Variants in DOK6 observed in about 807,000 individuals in gnomAD.
DOK6 encodes docking protein 6, also known as downstream of tyrosine kinase 6.
A neutral mutation model predicts 44.0 loss-of-function variants in DOK6; 22 were observed. The ratio of observed to expected loss-of-function variants is 0.50; its 90% CI spans 0.36 to 0.71. The LOEUF is 0.71. Among genes scored for constraint, DOK6 ranks in the 30% least tolerant of loss-of-function variants. DOK6 has a pLI of 0.00. For synonymous variants in DOK6, 166 were observed against 145.5 expected (o/e 1.14, Z -1.01); for missense variants, 340 against 416.4 (o/e 0.82, Z 1.60).
chr18:69,582,080 T>C (rs1599204467), intron 2 of DOK6, among the ~76,000 whole-genome samples: 1 of 152,206 alleles, frequency 6.6e-6, no homozygotes, highest in East Asian at 1.9e-4. Flanking sequence ...AAACTTTTTT[T>C]AATGTAAAGG....
chr18:69,710,623 C>T (rs1162848365), intron 5 of DOK6, among the ~76,000 whole-genome samples: 1 of 152,132 alleles, frequency 6.6e-6, no homozygotes, highest in Non-Finnish European at 1.5e-5. Flanking sequence ...TTACAAAAAG[C>T]AAAATTAGTG....
chr18:69,574,758 G>T (rs1197879059), intron 2 of DOK6, among the ~76,000 whole-genome samples: 2 of 152,012 alleles, frequency 1.3e-5, no homozygotes, highest in Admixed American at 6.6e-5. Context: ...TTGTGAAAGG[G>T]TTAAAATGTT....
intron 1 of DOK6, among the ~76,000 whole-genome samples, chr18:69,480,830 G>A (rs986259214): frequency 3.9e-5 from 6 of 152,214 alleles, no homozygotes; most frequent in Middle Eastern, 3.4e-3. Flanking sequence ...GTTAGGACAG[G>A]TTTTACTTTT....
intron 3 of DOK6, among the ~76,000 whole-genome samples, chr18:69,623,711 A>T (rs992607387): frequency 1.3e-5 from 2 of 152,204 alleles, no homozygotes; most frequent in Non-Finnish European, 2.9e-5. Flanking sequence ...AGTGTCCTAC[A>T]CTTTGAACTC....
At chr18:69,509,281 A>G (rs1181117260) in intron 1 of DOK6, among the ~76,000 whole-genome samples, 1 of 152,210 alleles carries the variant, frequency 6.6e-6, no homozygotes. Flanking sequence ...TTTATATATG[A>G]AATTCAACCA....
intron 1 of DOK6, among the ~76,000 whole-genome samples, chr18:69,490,668 T>G (rs1328406912): frequency 4.6e-5 from 7 of 152,208 alleles, no homozygotes; most frequent in Admixed American, 1.3e-4. Flanking sequence ...CCCAAGTATT[T>G]GAATTACCTC....
chr18:69,848,711 C>T lies in DOK6; in HGVS notation c.*7328C>T, dbSNP rs936101898. The T allele has an allele frequency of 3.9e-5, 6 of 152,160 alleles. No individual in the cohort carries two copies. The highest frequency in any genetic ancestry group is 7.4e-5 in the Non-Finnish European group (5 of 68,016). 9.4% of individuals were successfully genotyped at this position (152,160 alleles called of 1,614,324 possible). On this transcript the variant is annotated 3_prime_UTR_variant, in exon 8 of 8. Coordinates refer to ENST00000382713, the MANE Select transcript of DOK6 (RefSeq NM_152721.6). ...TAATCTTAACCATCAATAAATAAAC[C>T]TATTGTTAACAATGTCTTATTCATA...
intron 1 of DOK6, among the ~76,000 whole-genome samples, chr18:69,524,529 TTGGC>T (rs1981775666): frequency 6.6e-6 from 1 of 151,948 alleles, no homozygotes; most frequent in African/African-American, 2.4e-5. Context: ...TGACTTTTAG[TTGGC>T]TAAATAGGTT....
chr18:69,753,454 C>G (rs897112505), intron 6 of DOK6, among the ~76,000 whole-genome samples: 1 of 152,166 alleles, frequency 6.6e-6, no homozygotes, highest in Non-Finnish European at 1.5e-5. Flanking sequence ...TGAGATGTGT[C>G]GGTTGTCCCT....
At chr18:69,581,802 C>A (rs1441609710) in intron 2 of DOK6, among the ~76,000 whole-genome samples, 1 of 152,160 alleles carries the variant, frequency 6.6e-6, no homozygotes, top group Non-Finnish European at 1.5e-5. Flanking sequence ...TAGAAGCTAT[C>A]AATAGGGCTT....
At chr18:69,460,010 G>A (rs529589049) in intron 1 of DOK6, among the ~76,000 whole-genome samples, 14 of 152,038 alleles carry the variant, frequency 9.2e-5, no homozygotes, top group Admixed American at 2.6e-4. Context: ...CTCATTAGTC[G>A]TTTTAATACT....
chr18:69,577,361 C>T (rs1230580489), intron 2 of DOK6, among the ~76,000 whole-genome samples: 1 of 152,074 alleles, frequency 6.6e-6, no homozygotes, highest in African/African-American at 2.4e-5. Flanking sequence ...TCTTGAAATA[C>T]CTGCTGGAAG....
chr18:69,769,940 T>A (rs2144764983), intron 7 of DOK6, among the ~76,000 whole-genome samples: 1 of 152,226 alleles, frequency 6.6e-6, no homozygotes, highest in Non-Finnish European at 1.5e-5. Flanking sequence ...ATGGTCTGAA[T>A]AGCAAGAGAG....
intron 1 of DOK6, among the ~76,000 whole-genome samples, chr18:69,494,946 A>T (rs1980840107): frequency 6.6e-6 from 1 of 152,150 alleles, no homozygotes; most frequent in African/African-American, 2.4e-5. Flanking sequence ...GGCTCACACT[A>T]CTGGCCTGGA....
At chr18:69,718,335 C>A (rs1335287272) in intron 5 of DOK6, among the ~76,000 whole-genome samples, 5 of 152,106 alleles carry the variant, frequency 3.3e-5, no homozygotes, top group Non-Finnish European at 5.9e-5. Flanking sequence ...CCCAACCCCC[C>A]AAAAGAAGCT....
chr18:69,680,250 G>A (rs893734765), intron 4 of DOK6, among the ~76,000 whole-genome samples: 15 of 152,128 alleles, frequency 9.9e-5, no homozygotes, highest in South Asian at 4.1e-4. Context: ...AGACAGACAC[G>A]TACTCACTAA....
At chr18:69,631,531 A>G (rs1480123212) in intron 3 of DOK6, among the ~76,000 whole-genome samples, 1 of 152,172 alleles carries the variant, frequency 6.6e-6, no homozygotes, top group African/African-American at 2.4e-5. Context: ...ACAGTACATT[A>G]TCCTGCAAAC....
chr18:69,402,906 G>A (rs960781256), intron 1 of DOK6, among the ~76,000 whole-genome samples: 5 of 152,316 alleles, frequency 3.3e-5, no homozygotes, highest in African/African-American at 1.2e-4. Context: ...CGGTTCTCCA[G>A]GAGTCTGGTT....
rs1981775071 is a variant in DOK6, at chr18:69,524,516, T to C, written c.67-39971T>C. ...CTAGAGGAGTGTGGACAATAGCATG[T>C]AGTGACTTTTAGTTGGCTAAATAGG... On this transcript the variant is annotated intron_variant, in intron 1 of 7. Coordinates refer to ENST00000382713, the MANE Select transcript of DOK6 (RefSeq NM_152721.6). Among the ~76,000 whole-genome samples the C allele has an allele frequency of 2.0e-5, 3 of 152,074 alleles. No homozygotes were observed. The South Asian group carries it at 6.2e-4, about 32-fold the overall frequency.
Sources: allele counts gnomAD v4.1 joint callset (sites outside exome capture counted in the v4.1 genomes callset), GRCh38; gene constraint gnomAD v4.1.1; transcripts MANE v1.5; gene names NCBI Gene and HGNC (gene_info 2026-07-23, HGNC 2026-07-21).